Variants in LRRC74A observed in about 807,000 individuals in gnomAD.
LRRC74A encodes the protein leucine-rich repeat-containing protein 74A.
A neutral mutation model predicts 57.9 loss-of-function variants in LRRC74A; 44 were observed. The ratio of observed to expected loss-of-function variants is 0.76; its 90% CI spans 0.60 to 0.98. The LOEUF (loss-of-function observed/expected upper bound fraction) is 0.98. LRRC74A is among the 50% of genes least tolerant of loss of function. The probability of loss-of-function intolerance (pLI) is 0.00; values close to 1 mark genes in which losing one functional copy is unlikely to be tolerated. For synonymous variants in LRRC74A, 211 were observed against 219.4 expected (o/e 0.96, Z 0.34); for missense variants, 572 against 574.0 (o/e 1.00, Z 0.04).
chr14:76,861,262 T>C (rs1301262545), intron 11 of LRRC74A, among the ~76,000 whole-genome samples: 1 of 152,246 alleles, frequency 6.6e-6, no homozygotes, highest in Non-Finnish European at 1.5e-5. Flanking sequence ...CTTAGAAGGA[T>C]GCCTGGTATA....
intron 9 of LRRC74A, among the ~76,000 whole-genome samples, chr14:76,856,574 T>TTCTG (rs1555368110): frequency 9.9e-5 from 6 of 60,660 alleles, no homozygotes; most frequent in Non-Finnish European, 2.6e-4. Context: ...ATGAACAGAT[T>TTCTG]GCTGGCTGGC....
chr14:76,842,741 A>ATAACAAAGC (rs11282651), intron 5 of LRRC74A, among the ~76,000 whole-genome samples: 1 of 151,430 alleles, frequency 6.6e-6, no homozygotes, highest in Non-Finnish European at 1.5e-5. Context: ...GGTGGTAGAG[A>ATAACAAAGC]TTATTGAGGG....
intron 11 of LRRC74A, among the ~76,000 whole-genome samples, chr14:76,864,457 GA>G (rs1370561133): frequency 6.8e-6 from 1 of 147,524 alleles, no homozygotes; most frequent in Non-Finnish European, 1.5e-5. Flanking sequence ...GGGGAGAAGA[GA>G]AAAAAAGTAC....
chr14:76,859,981 CCTT>C (rs1202677741), intron 10 of LRRC74A, among the ~76,000 whole-genome samples: 4 of 152,042 alleles, frequency 2.6e-5, no homozygotes. Context: ...CCTGTATTAG[CCTT>C]CTCCTTCCCT....
At chr14:76,846,260 T>A (rs1402586097) in intron 7 of LRRC74A, among the ~76,000 whole-genome samples, 1 of 152,184 alleles carries the variant, frequency 6.6e-6, no homozygotes, top group Admixed American at 6.6e-5. Context: ...CTGTGAAATT[T>A]TAAAGCCAGT....
intron 7 of LRRC74A, among the ~76,000 whole-genome samples, chr14:76,850,292 C>G (rs570333065): frequency 2.0e-5 from 3 of 152,140 alleles, no homozygotes; most frequent in African/African-American, 7.2e-5. Context: ...GGATAAGTAA[C>G]CTGCCTGGGA....
chr14:76,848,620 C>T (rs1897253885), intron 7 of LRRC74A, among the ~76,000 whole-genome samples: 1 of 152,158 alleles, frequency 6.6e-6, no homozygotes, highest in African/African-American at 2.4e-5. Context: ...CTATACGCAA[C>T]CACAGAAGTT....
At position 76,870,186 on chromosome 14, in the gene LRRC74A, G is replaced by A; in HGVS notation, c.*37G>A. The A allele has an allele frequency of 6.2e-7, 1 of 1,600,044 alleles. No individual in the cohort carries two copies. The highest frequency in any genetic ancestry group is 8.5e-7 in the Non-Finnish European group (1 of 1,172,904). ...GTCTAGAAAGAAGTCTCGGCGAGAGGAGTCCTCGCAAGTCGGATGGTGGCA... is the reference window on the plus strand; with the variant it reads ...GTCTAGAAAGAAGTCTCGGCGAGAGAAGTCCTCGCAAGTCGGATGGTGGCA... On this transcript the variant is annotated 3_prime_UTR_variant, in exon 14 of 14. Transcript: ENST00000689127.
At chr14:76,866,631 T>A (rs1430994303) in intron 12 of LRRC74A, among the ~76,000 whole-genome samples, 1 of 151,908 alleles carries the variant, frequency 6.6e-6, no homozygotes, top group South Asian at 2.1e-4. Flanking sequence ...CGGTGCCCGG[T>A]GCCCAGGCCG....
At chr14:76,848,298 A>G (rs1389256694) in intron 7 of LRRC74A, among the ~76,000 whole-genome samples, 1 of 134,544 alleles carries the variant, frequency 7.4e-6, no homozygotes, top group African/African-American at 2.8e-5. Context: ...AAAATAAAAT[A>G]TTACTTTCAA....
At chr14:76,857,894 A>G (rs1364858465) in intron 10 of LRRC74A, among the ~76,000 whole-genome samples, 2 of 152,188 alleles carry the variant, frequency 1.3e-5, no homozygotes, top group Admixed American at 6.5e-5. Flanking sequence ...TCATTTCATG[A>G]GTTGGCCTGT....
At position 76,866,058 on chromosome 14, in the gene LRRC74A, C is replaced by G. The variant is rs754765913; in HGVS notation, c.1291C>G (p.Gln431Glu). Residue 431 changes from glutamine to glutamate, a missense_variant, in exon 12 of 14, where the codon CAG (glutamine) becomes GAG (glutamate). Transcript: ENST00000689127. Reference sequence around the variant, plus strand: ...AATGAAGATGTCTGTGGATGAGTTCCAGAAAGTGATGATAGAGGTGTGCTG... The same window carrying G: ...AATGAAGATGTCTGTGGATGAGTTCGAGAAAGTGATGATAGAGGTGTGCTG... Reference protein sequence around the residue: ...GTMKMSVDEFQKVMIEQNKVP... With the variant: ...GTMKMSVDEFEKVMIEQNKVP... The G allele has an allele frequency of 6.4e-7, 1 of 1,574,196 alleles. No homozygotes were observed. Among genetic ancestry groups the G allele is most frequent in the African/African-American group, 1.3e-5 (1 of 74,222 alleles).
At chr14:76,848,831 G>A (rs1016357113) in intron 7 of LRRC74A, among the ~76,000 whole-genome samples, 70 of 152,202 alleles carry the variant, frequency 4.6e-4, no homozygotes, top group African/African-American at 1.6e-3. Flanking sequence ...TGCGGAGCTC[G>A]CTGGCCTGAG....
intron 7 of LRRC74A, among the ~76,000 whole-genome samples, chr14:76,851,679 T>G (rs1342975612): frequency 6.7e-6 from 1 of 150,184 alleles, no homozygotes. Flanking sequence ...ACTTTTTTTT[T>G]TTTTTGAGAC....
At chr14:76,841,288 T>A (rs1896751171) in intron 5 of LRRC74A, among the ~76,000 whole-genome samples, 1 of 152,202 alleles carries the variant, frequency 6.6e-6, no homozygotes, top group Non-Finnish European at 1.5e-5. Context: ...GTGATCCAAC[T>A]GCCTCAGCCT....
At chr14:76,832,829 C>T (rs1896063766) in intron 3 of LRRC74A, among the ~76,000 whole-genome samples, 1 of 152,094 alleles carries the variant, frequency 6.6e-6, no homozygotes, top group Non-Finnish European at 1.5e-5. Flanking sequence ...ATGTTATCTG[C>T]AGAGCAGTGA....
At chr14:76,832,510 G>T (rs1359822524) in intron 3 of LRRC74A, among the ~76,000 whole-genome samples, 1 of 152,184 alleles carries the variant, frequency 6.6e-6, no homozygotes, top group East Asian at 1.9e-4. Flanking sequence ...GTCTTGCTAT[G>T]TTGCCCAGGC....
intron 7 of LRRC74A, among the ~76,000 whole-genome samples, chr14:76,851,867 T>A (rs1897521954): frequency 2.0e-5 from 3 of 151,958 alleles, no homozygotes; most frequent in African/African-American, 7.3e-5. Flanking sequence ...AGTTTCACCA[T>A]GTTGGCCAGG....
At position 76,843,239 on chromosome 14, in the gene LRRC74A, C is replaced by T. The variant is rs1896891943; in HGVS notation, c.545-1184C>T. On this transcript the variant is annotated intron_variant, in intron 5 of 13. Transcript: ENST00000689127. ...TGGAGGTTGCAGTAAGCCGAGATCA[C>T]GCCACTGCACTGCACTCCAGTCTGG... 2.8e-5 allele frequency among the ~76,000 whole-genome samples: 4 copies of T among 142,666 alleles called. No homozygotes were observed. In the South Asian group the frequency reaches 6.4e-4, roughly 23 times the overall value. 93.6% of individuals were successfully genotyped at this position (142,666 alleles called of 152,430 possible). A position where few individuals can be genotyped will look rare whatever the true frequency, so the allele number is the denominator to read the frequency against.
Sources: gnomAD v4.1 joint callset for allele counts (sites outside exome capture counted in the v4.1 genomes callset) on GRCh38, gnomAD v4.1.1 for gene constraint, MANE v1.5 for transcripts, NCBI Gene and HGNC (gene_info 2026-07-23, HGNC 2026-07-21) for gene names.